SYN3: variants seen among roughly 807,000 people sequenced by gnomAD.
SYN3 encodes the protein synapsin-3.
Under a neutral mutation model 65.8 loss-of-function variants are expected in SYN3, and 35 were observed. That is an observed-to-expected ratio of 0.53 (90% CI 0.41 to 0.70). The LOEUF is 0.70. Ranked by LOEUF, SYN3 falls within the 30% of genes least tolerant of loss-of-function variation. The probability of loss-of-function intolerance (pLI) is 0.00; values close to 1 mark genes in which losing one functional copy is unlikely to be tolerated. For missense variants in SYN3, 680 were observed against 749.0 expected (o/e 0.91, Z 1.08); for synonymous variants, 270 against 292.9 (o/e 0.92, Z 0.80).
At chr22:32,792,293 C>T (rs767975532) in intron 6 of SYN3, among the ~76,000 whole-genome samples, 7 of 152,176 alleles carry the variant, frequency 4.6e-5, no homozygotes, top group East Asian at 1.9e-4. Context: ...CCTAACCTCC[C>T]TGTTGGGCTG....
intron 7 of SYN3, among the ~76,000 whole-genome samples, chr22:32,572,502 T>TCCCCCCTC (rs1252606530): frequency 4.4e-5 from 1 of 22,906 alleles, no homozygotes; most frequent in Non-Finnish European, 1.2e-4. Flanking sequence ...CTTCCTTCCT[T>TCCCCCCTC]CCTCCCTCCC....
chr22:32,752,567 G>A (rs1033201920), intron 6 of SYN3, among the ~76,000 whole-genome samples: 12 of 152,206 alleles, frequency 7.9e-5, no homozygotes, highest in Non-Finnish European at 1.3e-4. Flanking sequence ...ACGACTCACC[G>A]CATTTGTTCT....
intron 6 of SYN3, among the ~76,000 whole-genome samples, chr22:32,813,173 A>G (rs2046958664): frequency 6.6e-6 from 1 of 152,186 alleles, no homozygotes; most frequent in Admixed American, 6.5e-5. Context: ...AAATATGTTT[A>G]TGGTTCCCCA....
chr22:32,731,294 G>A (rs2061267209), intron 6 of SYN3, among the ~76,000 whole-genome samples: 1 of 152,194 alleles, frequency 6.6e-6, no homozygotes, highest in African/African-American at 2.4e-5. Context: ...TGCCATGCCA[G>A]GACTGGGATT....
intron 6 of SYN3, among the ~76,000 whole-genome samples, chr22:32,724,811 G>A (rs1283185583): frequency 6.6e-6 from 1 of 152,072 alleles, no homozygotes; most frequent in Admixed American, 6.6e-5. Context: ...GAGGGCTGCT[G>A]AGAGGAGTAG....
intron 6 of SYN3, among the ~76,000 whole-genome samples, chr22:32,747,812 G>C (rs1032220862): frequency 6.6e-6 from 1 of 152,248 alleles, no homozygotes; most frequent in Admixed American, 6.5e-5. Flanking sequence ...TGTGTCTCCA[G>C]ACTTGGAGAC....
At chr22:32,534,215 G>A (rs955372553) in intron 9 of SYN3, among the ~76,000 whole-genome samples, 2 of 152,120 alleles carry the variant, frequency 1.3e-5, no homozygotes, top group African/African-American at 4.8e-5. Context: ...GTTGGGAGAG[G>A]TCTCCCCCGA....
chr22:32,602,749 C>T (rs1276595834), intron 6 of SYN3, among the ~76,000 whole-genome samples: 4 of 152,178 alleles, frequency 2.6e-5, no homozygotes, highest in African/African-American at 7.2e-5. Context: ...CGTCAGCTAC[C>T]GCGCCCAGCC....
At chr22:32,846,156 A>C (rs1377413391) in intron 6 of SYN3, among the ~76,000 whole-genome samples, 1 of 152,184 alleles carries the variant, frequency 6.6e-6, no homozygotes, top group Non-Finnish European at 1.5e-5. Context: ...TGGAACCATG[A>C]CTGTGATCTT....
intron 12 of SYN3, among the ~76,000 whole-genome samples, chr22:32,527,115 T>C (rs1428483656): frequency 2.0e-5 from 3 of 152,194 alleles, no homozygotes; most frequent in African/African-American, 7.2e-5. Context: ...TGGAATATAT[T>C]TGAGGAGGAA....
At chr22:32,524,964 G>A (rs760161190) in intron 12 of SYN3, among the ~76,000 whole-genome samples, 25 of 152,186 alleles carry the variant, frequency 1.6e-4, no homozygotes, top group Non-Finnish European at 3.2e-4. Flanking sequence ...GCGGTCAGCC[G>A]AGATTGCACC....
Position 32,538,035 on chromosome 22 carries a change from C to A in SYN3, c.992+1G>T, listed in dbSNP as rs1219472475. 1 of 1,614,018 alleles carries A rather than the reference C, an allele frequency of 6.2e-7. No individual in the cohort carries two copies. Among genetic ancestry groups the A allele is most frequent in the East Asian group, 2.2e-5 (1 of 44,878 alleles). ...CTCCCTACACCTCCTTTGTCTCTTA[C>A]CTCTCTGTCATGGCCACCTGCTCCA... is the stretch of plus-strand genomic sequence containing the variant. On this transcript the variant is annotated splice_donor_variant, in intron 9 of 13. Transcript: ENST00000358763. LOFTEE classifies it high-confidence loss of function.
chr22:32,653,992 C>G (rs2060108405), intron 6 of SYN3, among the ~76,000 whole-genome samples: 1 of 152,190 alleles, frequency 6.6e-6, no homozygotes, highest in South Asian at 2.1e-4. Context: ...GGCCTTGACC[C>G]CAACACGTTC....
chr22:32,577,556 C>T (rs1481496849), intron 7 of SYN3, among the ~76,000 whole-genome samples: 2 of 152,186 alleles, frequency 1.3e-5, no homozygotes, highest in Non-Finnish European at 2.9e-5. Context: ...GGAGATTTGT[C>T]CTCCATCATG....
At chr22:32,932,303 T>C (rs1484159102) in intron 3 of SYN3, among the ~76,000 whole-genome samples, 1 of 149,014 alleles carries the variant, frequency 6.7e-6, no homozygotes, top group African/African-American at 2.5e-5. Flanking sequence ...ATCCATCTGG[T>C]TACAGCAGCA....
chr22:32,761,206 C>T (rs2045469430), intron 6 of SYN3, among the ~76,000 whole-genome samples: 1 of 152,172 alleles, frequency 6.6e-6, no homozygotes, highest in Non-Finnish European at 1.5e-5. Flanking sequence ...TGACCCAGTG[C>T]CGGTTACTGT....
chr22:33,018,110 A>G (rs928187000), intron 1 of SYN3, among the ~76,000 whole-genome samples: 1 of 152,222 alleles, frequency 6.6e-6, no homozygotes, highest in Non-Finnish European at 1.5e-5. Context: ...TATCTGGTCT[A>G]CCTGGCCACT....
chr22:32,629,049 G>C lies in SYN3; in HGVS notation c.712-32313C>G, dbSNP rs143694121. Among the ~76,000 whole-genome samples, 1,329 of 152,236 alleles carry C rather than the reference G, an allele frequency of 8.7e-3. 16 individuals are homozygous for C. The highest frequency in any genetic ancestry group is 0.031 in the African/African-American group (1,286 of 41,534). On this transcript the variant is annotated intron_variant, in intron 6 of 13. Coordinates refer to ENST00000358763, the MANE Select transcript of SYN3 (RefSeq NM_003490.4). ...CTCCAGGCAAGCTGGGCAGGTTTAT[G>C]AGCTCGGAGCCTGAGAGGTGAAAGG...
At chr22:32,926,262 TA>T (rs2146666325) in intron 4 of SYN3, among the ~76,000 whole-genome samples, 1 of 152,342 alleles carries the variant, frequency 6.6e-6, no homozygotes, top group South Asian at 2.1e-4. Context: ...CACAGATTCC[TA>T]AACAATAGCA....
Sources: allele counts gnomAD v4.1 joint callset (sites outside exome capture counted in the v4.1 genomes callset), GRCh38; gene constraint gnomAD v4.1.1; transcripts MANE v1.5; gene names NCBI Gene and HGNC (gene_info 2026-07-23, HGNC 2026-07-21).